Variants in SASH1 observed in about 807,000 individuals in gnomAD.
SASH1 encodes the protein SAM and SH3 domain-containing protein 1.
In SASH1, 44 loss-of-function variants were observed where a neutral mutation model predicts 125.2. That is an observed-to-expected ratio of 0.35 (90% CI 0.28 to 0.45). The LOEUF is 0.45. Ranked by LOEUF, SASH1 falls within the 20% of genes least tolerant of loss-of-function variation. The pLI is 1.00. For synonymous variants in SASH1, 639 were observed against 649.1 expected, an observed-to-expected ratio of 0.98 and a Z score of 0.24; for missense variants, 1,426 against 1,614.5, an observed-to-expected ratio of 0.88 and a Z score of 2.00.
chr6:148,519,720 G>T lies in SASH1; in HGVS notation c.1036G>T (p.Ala346Ser). The T allele has an allele frequency of 6.2e-7, 1 of 1,614,136 alleles. No homozygotes were observed. The highest frequency in any genetic ancestry group is 1.1e-5 in the South Asian group (1 of 91,072). The change falls in exon 10 of 20, where the codon GCT (alanine) becomes TCT (serine). Residue 346 changes from alanine to serine, a missense_variant. This residue lies in a region of SASH1 where 567 missense variants were observed against 575.6 expected (regional missense o/e 0.99). Coordinates refer to ENST00000367467, the MANE Select transcript of SASH1 (RefSeq NM_015278.5). The surrounding 1 kb of genome is among the most constrained non-coding windows in gnomAD (Gnocchi z 4.8). ...PSSSSLDTWG[A>S]GRKLVKTFSK... is the part of the protein sequence containing the mutation. ...CTCCAGCAGCCTGGACACCTGGGGG[G>T]CTGGCCGGAAGTTGGTCAAAACCTT...
At chr6:148,242,105 T>C in the SASH1 span, among the ~76,000 whole-genome samples, 1 of 152,194 alleles carries the variant, frequency 6.6e-6, no homozygotes, top group African/African-American at 2.4e-5. Context: ...CGTAAGATAA[T>C]GTAGGACTAT....
intron 1 of SASH1, among the ~76,000 whole-genome samples, chr6:148,295,625 G>T (rs1334076058): frequency 6.6e-6 from 1 of 152,244 alleles, no homozygotes; most frequent in Non-Finnish European, 1.5e-5. Context: ...CCACAGGGCA[G>T]AGAGTTATCT....
At chr6:148,378,618 C>A (rs1783008989) in intron 1 of SASH1, among the ~76,000 whole-genome samples, 1 of 152,210 alleles carries the variant, frequency 6.6e-6, no homozygotes, top group Non-Finnish European at 1.5e-5. Flanking sequence ...CCTTAAAGTG[C>A]TGTGATTATC....
intron 2 of SASH1, among the ~76,000 whole-genome samples, chr6:148,390,549 G>A (rs1583071576): frequency 6.6e-6 from 1 of 152,330 alleles, no homozygotes; most frequent in East Asian, 1.9e-4. Flanking sequence ...CACTTTGAGA[G>A]GCCCAGGCGG....
chr6:148,431,736 CAGCAGCCAGCAGGTCATGG>C (rs1776069655), intron 2 of SASH1, among the ~76,000 whole-genome samples: 1 of 151,940 alleles, frequency 6.6e-6, no homozygotes, highest in Admixed American at 6.6e-5. Flanking sequence ...AAAGGTTAAA[CAGCAGCCAGCAGGTCATGG>C]AGTCAACGCT....
intron 8 of SASH1, chr6:148,512,358 T>C (rs1222424673): frequency 2.1e-6 from 1 of 477,922 alleles, no homozygotes; most frequent in East Asian, 1.5e-4. Flanking sequence ...ATAGAGACTT[T>C]CTATAACATA....
intron 1 of SASH1, among the ~76,000 whole-genome samples, chr6:148,387,247 A>G (rs1583063634): frequency 6.6e-6 from 1 of 150,564 alleles, no homozygotes; most frequent in South Asian, 2.1e-4. Context: ...GCTCCAAAGT[A>G]GCTGGGACTA....
At chr6:148,352,763 G>A (rs1562343856) in intron 1 of SASH1, among the ~76,000 whole-genome samples, 1 of 152,094 alleles carries the variant, frequency 6.6e-6, no homozygotes, top group Non-Finnish European at 1.5e-5. Flanking sequence ...CCTGTCAGGA[G>A]TTCAAGACCG....
At chr6:148,384,374 A>T (rs1008717045) in intron 1 of SASH1, among the ~76,000 whole-genome samples, 2 of 152,226 alleles carry the variant, frequency 1.3e-5, no homozygotes, top group African/African-American at 4.8e-5. Flanking sequence ...TGAACACCTT[A>T]AAAGAAAAGG....
chr6:148,535,661 A>T (rs1781798677), intron 16 of SASH1, among the ~76,000 whole-genome samples: 1 of 152,212 alleles, frequency 6.6e-6, no homozygotes, highest in Non-Finnish European at 1.5e-5. Context: ...AAGTCTGTCT[A>T]TTTGAATACA....
chr6:148,280,344 GTCAGAGT>G (rs1779305544), intron 1 of SASH1: 1 of 152,154 alleles, frequency 6.6e-6, no homozygotes. Context: ...CTATTCACCT[GTCAGAGT>G]TCAGTGTCCT....
the SASH1 span, among the ~76,000 whole-genome samples, chr6:148,208,992 A>G: frequency 6.6e-6 from 1 of 152,212 alleles, no homozygotes; most frequent in Non-Finnish European, 1.5e-5. Flanking sequence ...ATCGATATTG[A>G]ACACTTATTT....
the SASH1 span, among the ~76,000 whole-genome samples, chr6:148,222,135 C>G: frequency 6.6e-6 from 1 of 152,208 alleles, no homozygotes; most frequent in African/African-American, 2.4e-5. Context: ...TTTCCTCCTT[C>G]ACATTAAGGG....
At chr6:148,535,974 C>G (rs536111047) in intron 16 of SASH1, among the ~76,000 whole-genome samples, 1 of 152,266 alleles carries the variant, frequency 6.6e-6, no homozygotes, top group East Asian at 1.9e-4. Context: ...GCTAAATAGG[C>G]AGTCCCTCTA....
At chr6:148,385,533 G>T (rs1262935203) in intron 1 of SASH1, among the ~76,000 whole-genome samples, 1 of 152,128 alleles carries the variant, frequency 6.6e-6, no homozygotes, top group Non-Finnish European at 1.5e-5. Context: ...GCCACTCTAG[G>T]TAGCTTCAGA....
At chr6:148,276,182 G>A (rs1314838138) in intron 1 of SASH1, among the ~76,000 whole-genome samples, 1 of 152,216 alleles carries the variant, frequency 6.6e-6, no homozygotes, top group Middle Eastern at 3.2e-3. Flanking sequence ...TTTGTAAGAT[G>A]AGAGTAATAC....
rs1375236580 is a variant in SASH1 at position 148,295,292 on chromosome 6, C to T, written n.74+22915C>T. ...AGGCTCATTACAGAGGCATTTTCAG[C>T]ACTTAGAGAAAGGAGTTCTCTGTTT... On this transcript the variant is annotated intron_variant and non_coding_transcript_variant, in intron 1 of 3. Transcript: ENST00000367469. Among the ~76,000 whole-genome samples, 3 of 152,106 alleles carry T rather than the reference C, an allele frequency of 2.0e-5. No homozygotes were observed. In the East Asian group the frequency reaches 5.8e-4, roughly 29 times the overall value.
At chr6:148,412,451 A>G (rs1365548487) in intron 2 of SASH1, among the ~76,000 whole-genome samples, 2 of 152,212 alleles carry the variant, frequency 1.3e-5, no homozygotes, top group African/African-American at 2.4e-5. Context: ...TTGATGAAGC[A>G]TTTAGTGTTT....
intron 2 of SASH1, among the ~76,000 whole-genome samples, chr6:148,396,421 G>A (rs1295229365): frequency 1.4e-5 from 2 of 140,044 alleles, no homozygotes; most frequent in Non-Finnish European, 3.0e-5. Flanking sequence ...AGGTTGCAGT[G>A]AGCCAAGATC....
Sources: gnomAD v4.1 joint callset for allele counts (sites outside exome capture counted in the v4.1 genomes callset) on GRCh38, gnomAD v4.1.1 for gene constraint, gnomAD v4.1.1 regional missense constraint, Gnocchi (gnomAD v3.1) non-coding constraint, MANE v1.5 for transcripts, NCBI Gene and HGNC (gene_info 2026-07-23, HGNC 2026-07-21) for gene names.